Variants in DCBLD2 observed in about 807,000 individuals in gnomAD.
DCBLD2 encodes discoidin, CUB and LCCL domain-containing protein 2.
Under a neutral mutation model 86.8 loss-of-function variants are expected in DCBLD2, and 54 were observed. That is an observed-to-expected ratio of 0.62 (90% CI 0.50 to 0.78). DCBLD2 has a LOEUF of 0.78. DCBLD2 is among the 30% of genes least tolerant of loss of function. DCBLD2 has a pLI of 0.00. For synonymous variants in DCBLD2, 354 were observed against 341.3 expected, an observed-to-expected ratio of 1.04 and a Z score of -0.41; for missense variants, 908 against 954.2, an observed-to-expected ratio of 0.95 and a Z score of 0.64.
intron 2 of DCBLD2, among the ~76,000 whole-genome samples, chr3:98,868,058 C>A (rs1370717260): frequency 6.6e-6 from 1 of 152,146 alleles, no homozygotes; most frequent in Non-Finnish European, 1.5e-5. Flanking sequence ...CCACCTCAGC[C>A]TCCCAAAGTT....
intron 3 of DCBLD2, among the ~76,000 whole-genome samples, chr3:98,841,629 TTTTG>T (rs1336498741): frequency 1.3e-5 from 2 of 152,200 alleles, no homozygotes; most frequent in Non-Finnish European, 2.9e-5. Flanking sequence ...TTCAATACTG[TTTTG>T]TGTTCTTGAA....
chr3:98,803,677 G>A (rs551807443), intron 13 of DCBLD2, among the ~76,000 whole-genome samples: 1 of 152,136 alleles, frequency 6.6e-6, no homozygotes, highest in African/African-American at 2.4e-5. Flanking sequence ...TATTGGCTGT[G>A]GGTTTGTCAT....
At chr3:98,807,952 C>T in intron 13 of DCBLD2, 129 bp downstream of exon 13, 1 of 607,842 alleles carries the variant, frequency 1.6e-6, no homozygotes, top group Non-Finnish European at 2.5e-6. Context: ...AAAGGAGAAG[C>T]ATGAAATTTT....
At position 98,822,372 on chromosome 3, in the gene DCBLD2, GGAAAA is replaced by G. The variant is rs1390426855; in HGVS notation, c.697-16_697-12del. The G allele has an allele frequency of 1.9e-6, 3 of 1,599,694 alleles. No homozygotes were observed. Among genetic ancestry groups the G allele is most frequent in the East Asian group, 2.2e-5 (1 of 44,604 alleles). The stretch of plus-strand genomic sequence containing the variant: ...GCACAATGGCGAGGACTTAAGGAAG[GGAAAA>G]GAAAAGATTCATTTTTAATTTTCTC... On this transcript the variant is annotated splice_polypyrimidine_tract_variant and intron_variant, in intron 5 of 15. Transcript: ENST00000326840.
At chr3:98,895,366 C>T (rs1457402790) in intron 1 of DCBLD2, 6 of 152,124 alleles carry the variant, frequency 3.9e-5, no homozygotes, top group African/African-American at 1.4e-4. Flanking sequence ...AGTAACCAAC[C>T]AACGTTTTTC....
chr3:98,849,169 C>CAAA (rs11328978), intron 3 of DCBLD2, among the ~76,000 whole-genome samples: 1 of 143,242 alleles, frequency 7.0e-6, no homozygotes. Context: ...AACTCTGTCT[C>CAAA]AAAAAAAAAA....
chr3:98,862,688 T>C (rs1943066073), intron 2 of DCBLD2, among the ~76,000 whole-genome samples: 1 of 152,144 alleles, frequency 6.6e-6, no homozygotes. Flanking sequence ...TCCTAAAAAC[T>C]CTCAATAAAT....
chr3:98,828,221 T>C (rs1942258212), intron 3 of DCBLD2, among the ~76,000 whole-genome samples: 1 of 152,048 alleles, frequency 6.6e-6, no homozygotes, highest in Non-Finnish European at 1.5e-5. Flanking sequence ...TTCATCAAGA[T>C]TAAAAACTTT....
chr3:98,827,231 T>G (rs146698699), intron 3 of DCBLD2, among the ~76,000 whole-genome samples: 212 of 152,318 alleles, frequency 1.4e-3, no homozygotes, highest in African/African-American at 4.8e-3. Context: ...CAAATTGAAT[T>G]ACCAGTTCTC....
intron 2 of DCBLD2, among the ~76,000 whole-genome samples, chr3:98,855,525 AAACAT>A (rs1942917861): frequency 1.3e-5 from 2 of 152,362 alleles, no homozygotes; most frequent in African/African-American, 2.4e-5. Context: ...ACACTCACAC[AAACAT>A]AACATTAAAA....
chr3:98,856,316 GAACAA>G (rs1252818554), intron 2 of DCBLD2, among the ~76,000 whole-genome samples: 1 of 151,692 alleles, frequency 6.6e-6, no homozygotes, highest in Non-Finnish European at 1.5e-5. Flanking sequence ...GATACTGAAA[GAACAA>G]AACAAAACAA....
At chr3:98,836,066 A>ATGTGTGTGTGTGTGTATGTGTG (rs145070800) in intron 3 of DCBLD2, among the ~76,000 whole-genome samples, 2 of 129,134 alleles carry the variant, frequency 1.5e-5, no homozygotes, top group Admixed American at 7.8e-5. Flanking sequence ...GTGTGTGTGT[A>ATGTGTGTGTGTGTGTATGTGTG]TGTGTGTGTG....
At position 98,900,684 on chromosome 3, in the gene DCBLD2, G is replaced by T. The variant is rs574426932; in HGVS notation, c.205+438C>A. On this transcript the variant is annotated intron_variant, in intron 1 of 15. Coordinates refer to ENST00000326840, the MANE Select transcript of DCBLD2 (RefSeq NM_080927.4). ...AACTATTCCATTCGCTTCAGAACCC[G>T]GGCTCTTTCACAAAGGATCATAATT... is the stretch of plus-strand genomic sequence containing the variant. 4 of 187,406 alleles carry T rather than the reference G, an allele frequency of 2.1e-5. No individual in the cohort carries two copies. The South Asian group carries it at 3.8e-4, about 18-fold the overall frequency. The allele number at this position is 187,406 out of a possible 1,614,324, so 11.6% of individuals were successfully genotyped here.
At position 98,875,332 on chromosome 3, in the gene DCBLD2, TG is replaced by T. The variant is rs1206902171; in HGVS notation, c.433+6207del. On this transcript the variant is annotated intron_variant, in intron 2 of 15. Coordinates refer to ENST00000326840, the MANE Select transcript of DCBLD2 (RefSeq NM_080927.4). ...CTCCATTGCAACAAAGCAGATAAGA[TG>T]TTAAGGATTAAGTTTAACAAAAAAT... Among the ~76,000 whole-genome samples the T allele has an allele frequency of 2.6e-5, 4 of 152,242 alleles. No individual in the cohort carries two copies. In the South Asian group the frequency reaches 6.2e-4, roughly 24 times the overall value.
intron 2 of DCBLD2, 56 bp downstream of exon 2, chr3:98,881,484 A>G: frequency 6.8e-7 from 1 of 1,472,250 alleles, no homozygotes; most frequent in Non-Finnish European, 9.5e-7. Flanking sequence ...TATCAAAAAA[A>G]TACATCATTG....
At chr3:98,805,917 G>A (rs546191323) in intron 13 of DCBLD2, among the ~76,000 whole-genome samples, 3 of 152,218 alleles carry the variant, frequency 2.0e-5, no homozygotes, top group East Asian at 3.9e-4. Context: ...GTAAGAGCAC[G>A]ATCTCTCAAG....
chr3:98,814,615 T>C (rs1941990346), intron 9 of DCBLD2: 1 of 152,164 alleles, frequency 6.6e-6, no homozygotes, highest in African/African-American at 2.4e-5. Context: ...TATATATATA[T>C]ATAAATCCCA....
At chr3:98,830,737 T>C (rs563394264) in intron 3 of DCBLD2, among the ~76,000 whole-genome samples, 7 of 152,370 alleles carry the variant, frequency 4.6e-5, no homozygotes, top group Admixed American at 2.6e-4. Context: ...TTTGTTTCCA[T>C]ATGAATTCTA....
chr3:98,828,024 CCAAA>C (rs1018719725), intron 3 of DCBLD2, among the ~76,000 whole-genome samples: 5 of 152,102 alleles, frequency 3.3e-5, no homozygotes, highest in South Asian at 2.1e-4. Flanking sequence ...TGGATATCCA[CCAAA>C]CAAACAAATG....
Sources: allele counts gnomAD v4.1 joint callset (sites outside exome capture counted in the v4.1 genomes callset), GRCh38; gene constraint gnomAD v4.1.1; transcripts MANE v1.5; gene names NCBI Gene and HGNC (gene_info 2026-07-23, HGNC 2026-07-21).